NKAIN3: variants seen among roughly 807,000 people sequenced by gnomAD.
NKAIN3 encodes sodium/potassium transporting ATPase interacting 3.
Under a neutral mutation model 30.2 loss-of-function variants are expected in NKAIN3, and 25 were observed. The observed-to-expected ratio is 0.83, with a 90% CI of 0.60 to 1.16. The LOEUF (loss-of-function observed/expected upper bound fraction) is 1.16, where lower values mean the gene tolerates loss of function less well. Among genes scored for constraint, NKAIN3 ranks in the 50% most tolerant of loss-of-function variants. The pLI, the probability that NKAIN3 is intolerant of heterozygous loss-of-function variation, is 0.00. For missense variants in NKAIN3, 225 were observed against 254.1 expected (o/e 0.89, Z 0.78); for synonymous variants, 91 against 89.6 (o/e 1.02, Z -0.09).
At position 62,965,883 on chromosome 8, in the gene NKAIN3, A is replaced by G; in HGVS notation, c.*476A>G. ...CCTGTGACAGCTGATAAATAGGTAC[A>G]AATAATGGATCCAGCTTTTGGATTG... On this transcript the variant is annotated 3_prime_UTR_variant, in exon 7 of 7. Coordinates refer to ENST00000623646, the MANE Select transcript of NKAIN3 (RefSeq NM_001304533.3). The G allele has an allele frequency of 2.0e-6, 2 of 985,348 alleles. No homozygotes were observed. Among genetic ancestry groups the G allele is most frequent in the Non-Finnish European group, 2.4e-6 (2 of 829,862 alleles). 61.0% of individuals were successfully genotyped at this position (985,348 alleles called of 1,614,324 possible). A position where few individuals can be genotyped will look rare whatever the true frequency, so the allele number is the denominator to read the frequency against.
chr8:62,986,707 T>C (rs1419709574), downstream of NKAIN3, among the ~76,000 whole-genome samples: 1 of 152,218 alleles, frequency 6.6e-6, no homozygotes, highest in African/African-American at 2.4e-5. Context: ...TATGGTACTC[T>C]TTATTAAATA....
At chr8:62,337,748 G>A (rs548731606) in intron 1 of NKAIN3, among the ~76,000 whole-genome samples, 67 of 151,924 alleles carry the variant, frequency 4.4e-4, no homozygotes, top group African/African-American at 1.6e-3. Context: ...TGTAAGTCTC[G>A]GCAATGTACT....
chr8:62,657,698 C>T (rs962683683), intron 3 of NKAIN3, among the ~76,000 whole-genome samples: 8 of 152,134 alleles, frequency 5.3e-5, no homozygotes, highest in East Asian at 1.9e-4. Context: ...GTTGCATGAT[C>T]GATGGTGCCA....
intron 3 of NKAIN3, among the ~76,000 whole-genome samples, chr8:62,718,678 C>G (rs1315690324): frequency 1.3e-5 from 2 of 152,084 alleles, no homozygotes; most frequent in Non-Finnish European, 2.9e-5. Flanking sequence ...GTCTCATTGG[C>G]TGTCATCTAG....
intron 1 of NKAIN3, among the ~76,000 whole-genome samples, chr8:62,424,151 T>C (rs146984810): frequency 2.9e-4 from 44 of 151,984 alleles, no homozygotes; most frequent in Non-Finnish European, 5.6e-4. Flanking sequence ...TTACACCATA[T>C]ACAAAAATGA....
chr8:62,583,829 T>C (rs1585977297), intron 2 of NKAIN3, among the ~76,000 whole-genome samples: 1 of 152,234 alleles, frequency 6.6e-6, no homozygotes, highest in Non-Finnish European at 1.5e-5. Context: ...TATTCTAATA[T>C]GGGTATAAAT....
At chr8:62,990,225 A>G (rs2130932562) in intron 5 of NKAIN3, 1 of 1,552,896 alleles carries the variant, frequency 6.4e-7, no homozygotes, top group Non-Finnish European at 8.7e-7. Flanking sequence ...CAAATTATTG[A>G]ATAAGCAAGA....
intron 1 of NKAIN3, among the ~76,000 whole-genome samples, chr8:62,468,991 G>A (rs987459252): frequency 2.0e-5 from 3 of 152,062 alleles, no homozygotes; most frequent in Admixed American, 6.6e-5. Context: ...CTAACCCAAC[G>A]TTCTGTTACT....
At chr8:62,858,997 C>T (rs1350450104) in intron 4 of NKAIN3, among the ~76,000 whole-genome samples, 1 of 152,196 alleles carries the variant, frequency 6.6e-6, no homozygotes, top group Non-Finnish European at 1.5e-5. Context: ...TCCTGGGTCT[C>T]AGTGCATGCC....
intron 3 of NKAIN3, among the ~76,000 whole-genome samples, chr8:62,727,623 G>C (rs1815300914): frequency 6.6e-6 from 1 of 151,874 alleles, no homozygotes; most frequent in Non-Finnish European, 1.5e-5. Flanking sequence ...GAACTATATA[G>C]GTATAAATTT....
intron 3 of NKAIN3, among the ~76,000 whole-genome samples, chr8:62,722,745 C>T (rs961977745): frequency 9.2e-5 from 14 of 152,164 alleles, no homozygotes; most frequent in Non-Finnish European, 1.9e-4. Flanking sequence ...ATCCCTCCTT[C>T]CCACACAGAC....
At chr8:62,875,555 C>T (rs749825763) in intron 4 of NKAIN3, among the ~76,000 whole-genome samples, 6 of 152,186 alleles carry the variant, frequency 3.9e-5, no homozygotes, top group Admixed American at 1.3e-4. Context: ...TGAGGCATCA[C>T]GCTACCTGAC....
chr8:62,736,513 G>T (rs1247997279), intron 3 of NKAIN3, among the ~76,000 whole-genome samples: 1 of 152,076 alleles, frequency 6.6e-6, no homozygotes, highest in African/African-American at 2.4e-5. Flanking sequence ...CCAAAGCCCC[G>T]ACTCACTCTC....
chr8:62,571,256 C>T (rs1221261133), intron 1 of NKAIN3, among the ~76,000 whole-genome samples: 1 of 151,942 alleles, frequency 6.6e-6, no homozygotes, highest in East Asian at 1.9e-4. Context: ...CTGCCTCAGC[C>T]TCCCAAGCAG....
Position 62,589,703 on chromosome 8 carries a change from T to C in NKAIN3, c.193-11T>C. On this transcript the variant is annotated splice_polypyrimidine_tract_variant and intron_variant, in intron 2 of 6. Transcript: ENST00000623646. ...TTTTCTTCTCTTTCTCCCTCCCCCA[T>C]TTCTATCTAGTATACAGTGTGGACT... The C allele has an allele frequency of 2.1e-6, 3 of 1,422,854 alleles. No individual in the cohort carries two copies. Among genetic ancestry groups the C allele is most frequent in the Middle Eastern group, 1.8e-4 (1 of 5,614 alleles). 88.1% of individuals were successfully genotyped at this position (1,422,854 alleles called of 1,614,324 possible).
intron 4 of NKAIN3, among the ~76,000 whole-genome samples, chr8:62,867,247 T>C (rs1239963656): frequency 6.6e-6 from 1 of 152,138 alleles, no homozygotes; most frequent in Non-Finnish European, 1.5e-5. Flanking sequence ...ATTTCACTGC[T>C]ACATCATGTC....
At chr8:62,469,927 T>G (rs992925133) in intron 1 of NKAIN3, among the ~76,000 whole-genome samples, 1 of 152,236 alleles carries the variant, frequency 6.6e-6, no homozygotes, top group Non-Finnish European at 1.5e-5. Flanking sequence ...CAGGTTAAAC[T>G]ACAACAAAGT....
At chr8:62,455,863 A>G (rs1182453254) in intron 1 of NKAIN3, among the ~76,000 whole-genome samples, 1 of 152,154 alleles carries the variant, frequency 6.6e-6, no homozygotes, top group Non-Finnish European at 1.5e-5. Flanking sequence ...AATCCCCCTT[A>G]TCTTTGGGGG....
rs924308357 is a variant in NKAIN3, at chr8:62,970,421, A to G, written c.*5014A>G. Among the ~76,000 whole-genome samples the G allele has an allele frequency of 6.6e-6, 1 of 152,192 alleles. No individual in the cohort carries two copies. The highest frequency in any genetic ancestry group is 1.5e-5 in the Non-Finnish European group (1 of 68,026). ...TGAAGGTGGATACAGCTTCTTAAAT[A>G]TTGGTATTTGTAGAAAAATTTGGTG... On this transcript the variant is annotated 3_prime_UTR_variant, in exon 7 of 7. Coordinates refer to ENST00000623646, the MANE Select transcript of NKAIN3 (RefSeq NM_001304533.3).
Sources: allele counts gnomAD v4.1 joint callset (sites outside exome capture counted in the v4.1 genomes callset), GRCh38; gene constraint gnomAD v4.1.1; transcripts MANE v1.5; gene names NCBI Gene and HGNC (gene_info 2026-07-23, HGNC 2026-07-21).